Variants in NBPF12 observed in about 807,000 individuals in gnomAD.
NBPF12 encodes the protein NBPF member 12.
A neutral mutation model predicts 146.4 loss-of-function variants in NBPF12; 115 were observed. That is an observed-to-expected ratio of 0.79 (90% CI 0.68 to 0.92). NBPF12 has a LOEUF of 0.92. Ranked by LOEUF, NBPF12 falls within the 40% of genes least tolerant of loss-of-function variation. The pLI is 0.00. For synonymous variants in NBPF12, 385 were observed against 508.9 expected (o/e 0.76, Z 3.28); for missense variants, 1,205 against 1,326.8 (o/e 0.91, Z 1.43).
At chr1:146,940,300 C>T (rs1399869986) in intron 1 of NBPF12, among the ~76,000 whole-genome samples, 13 of 151,696 alleles carry the variant, frequency 8.6e-5, no homozygotes, top group Non-Finnish European at 1.9e-4. Context: ...AGAAGAAGTT[C>T]ACAATTTTAA....
intron 13 of NBPF12, among the ~76,000 whole-genome samples, chr1:146,971,806 G>A (rs1452084956): frequency 6.6e-6 from 1 of 150,648 alleles, no homozygotes; most frequent in African/African-American, 2.5e-5. Flanking sequence ...TTGGCCAGGC[G>A]CGGTGGCTCA....
intron 2 of NBPF12, among the ~76,000 whole-genome samples, chr1:146,955,980 G>A (rs1311419928): frequency 0.082 from 12,327 of 150,452 alleles, 630 homozygotes; most frequent in East Asian, 0.21. Flanking sequence ...AAGGGCACTG[G>A]CTTCTTTTTT....
exon 34 of NBPF12, chr1:146,994,674 A>G (rs1268895897): frequency 5.1e-6 from 8 of 1,555,092 alleles, no homozygotes; most frequent in African/African-American, 4.2e-5. Context: ...AAGCCCAGAC[A>G]TAGGATGGGT....
chr1:146,984,655 T>C (rs1246664997), intron 21 of NBPF12, among the ~76,000 whole-genome samples, 158 bp from the exon 25 acceptor site: 1 of 143,502 alleles, frequency 7.0e-6, no homozygotes, highest in Non-Finnish European at 1.5e-5. Context: ...TACCTGGCCC[T>C]AGTCTATCAC....
exon 6 of NBPF12, chr1:146,963,267 G>A: frequency 1.2e-6 from 2 of 1,611,966 alleles, no homozygotes; most frequent in Non-Finnish European, 1.7e-6. Context: ...GCTGGCTGAG[G>A]GGTGTAGACT....
At position 146,982,020 on chromosome 1, in the gene NBPF12, G is replaced by GT. The variant is rs1284524883; in HGVS notation, c.2451-905dup. ...GCACATCCTCCTTTAGCTCAGAGAA[G>GT]TTTGTTATTACCGACTTTCTGAAGC... is the stretch of plus-strand genomic sequence containing the variant. On this transcript the variant is annotated intron_variant, in intron 19 of 33. Coordinates refer to ENST00000617844, the Ensembl canonical transcript of NBPF12. 9.5e-3 allele frequency among the ~76,000 whole-genome samples: 1,415 copies of GT among 148,760 alleles called. 29 individuals are homozygous for GT. Among genetic ancestry groups the GT allele is most frequent in the African/African-American group, 0.035 (1,337 of 38,744 alleles).
At chr1:146,972,723 A>G in intron 13 of NBPF12, 28 bp from the exon 17 acceptor site, 2 of 1,374,816 alleles carry the variant, frequency 1.5e-6, no homozygotes. Flanking sequence ...TTTTTAACCC[A>G]TCATGTGTTT....
In NBPF12 at chr1:146,977,344, C is replaced by T. The variant is rs1429209744; in HGVS notation, c.2193-122C>T. Reference sequence around the variant, plus strand: ...ATTGCATGTTCCCTCTTAATGGGAACGTCCATTTTGCTTTCTGGGACCACT... The same window carrying T: ...ATTGCATGTTCCCTCTTAATGGGAATGTCCATTTTGCTTTCTGGGACCACT... On this transcript the variant is annotated intron_variant, in intron 17 of 33. Transcript: ENST00000617844. The T allele has an allele frequency of 4.0e-4, 406 of 1,005,590 alleles. 6 individuals carry two copies. Among genetic ancestry groups the T allele is most frequent in the Middle Eastern group, 3.1e-3 (10 of 3,188 alleles). The allele number at this position is 1,005,590 out of a possible 1,614,324, so 62.3% of individuals were successfully genotyped here. A position where few individuals can be genotyped will look rare whatever the true frequency, so the allele number is the denominator to read the frequency against.
At position 146,972,166 on chromosome 1, in the gene NBPF12, A is replaced by G. The variant is rs1553886578; in HGVS notation, c.1592-585A>G. Among the ~76,000 whole-genome samples, 6 of 150,738 alleles carry G rather than the reference A, an allele frequency of 4.0e-5. No homozygotes were observed. The East Asian group carries it at 5.8e-4, about 15-fold the overall frequency. ...TCCCAGCACTTTGGGAGGCGGAGGT[A>G]GGTGGAACACCTGAGGTCAGGAGTT... On this transcript the variant is annotated intron_variant, in intron 13 of 33. Coordinates refer to ENST00000617844, the Ensembl canonical transcript of NBPF12.
intron 4 of NBPF12, among the ~76,000 whole-genome samples, chr1:146,960,672 A>C (rs1655791729): frequency 6.6e-6 from 1 of 151,940 alleles, no homozygotes; most frequent in Non-Finnish European, 1.5e-5. Context: ...CTGTTGTTCT[A>C]AATGTCTAGG....
intron 1 of NBPF12, among the ~76,000 whole-genome samples, chr1:146,942,447 G>T (rs2101806406): frequency 6.6e-6 from 1 of 151,676 alleles, no homozygotes; most frequent in Non-Finnish European, 1.5e-5. Flanking sequence ...TAGAGATTTT[G>T]TTTCTTTTAT....
intron 21 of NBPF12, 81 bp downstream of exon 24, chr1:146,984,266 A>G: frequency 1.2e-6 from 1 of 834,194 alleles, no homozygotes; most frequent in Non-Finnish European, 2.1e-6. Context: ...TACACGCTGA[A>G]AATAATGATT....
chr1:146,966,767 A>G (rs1656240113), intron 9 of NBPF12, 94 bp downstream of exon 12: 3 of 799,152 alleles, frequency 3.8e-6, no homozygotes, highest in East Asian at 2.4e-5. Flanking sequence ...AAATAATGTC[A>G]TCCTCCCCAT....
rs1471225616 is a variant in NBPF12 at position 146,955,257 on chromosome 1, T to C, written c.-184+3768T>C. ...TGAAAATAGCACATGTTGGTGAGGA[T>C]ATAAAGCACTTGGAAGTCTTATACT... On this transcript the variant is annotated intron_variant, in intron 2 of 33. Transcript: ENST00000617844. Among the ~76,000 whole-genome samples, 13 of 40,432 alleles carry C rather than the reference T, an allele frequency of 3.2e-4. 1 individual carries two copies. Among genetic ancestry groups the C allele is most frequent in the African/African-American group, 1.1e-3 (12 of 10,550 alleles). 26.5% of individuals were successfully genotyped at this position (40,432 alleles called of 152,430 possible).
At chr1:146,966,534 G>A (rs1239535527) in exon 9 of NBPF12, 86 of 1,476,072 alleles carry the variant, frequency 5.8e-5, no homozygotes, top group Non-Finnish European at 7.8e-5. Flanking sequence ...CCAGCGAGAA[G>A]GCAGAGATGA....
upstream of NBPF12, among the ~76,000 whole-genome samples, chr1:146,944,918 C>T (rs1178768092): frequency 1.3e-3 from 146 of 114,124 alleles, no homozygotes; most frequent in African/African-American, 5.1e-3. Flanking sequence ...CTTCCTCCCT[C>T]CCTCCCTGCC....
At chr1:146,964,910 A>T (rs1197010108) in exon 8 of NBPF12, 1 of 1,605,474 alleles carries the variant, frequency 6.2e-7, no homozygotes, top group Admixed American at 1.7e-5. Context: ...CAGAAGGCTG[A>T]AGAGAGCAAA....
At chr1:146,972,875 G>A in exon 14 of NBPF12, 2 of 1,160,210 alleles carry the variant, frequency 1.7e-6, no homozygotes, top group Non-Finnish European at 2.6e-6. Context: ...AGCTGGCAGA[G>A]AAGAAACAGC....
intron 4 of NBPF12, among the ~76,000 whole-genome samples, chr1:146,960,611 C>T (rs1366566269): frequency 9.2e-5 from 14 of 151,976 alleles, no homozygotes; most frequent in South Asian, 6.2e-4. Flanking sequence ...ATCGTGTTTT[C>T]AAGAATCCTC....
Sources: allele counts gnomAD v4.1 joint callset (sites outside exome capture counted in the v4.1 genomes callset), GRCh38; gene constraint gnomAD v4.1.1; transcripts MANE v1.5; gene names NCBI Gene and HGNC (gene_info 2026-07-23, HGNC 2026-07-21).